Variants in MAMDC2 observed in about 807,000 individuals in gnomAD.
MAMDC2 encodes MAM domain-containing protein 2.
Under a neutral mutation model 89.8 loss-of-function variants are expected in MAMDC2, and 57 were observed. The ratio of observed to expected loss-of-function variants is 0.63; its 90% CI spans 0.51 to 0.79. MAMDC2 has a LOEUF of 0.79. Ranked by LOEUF, MAMDC2 falls within the 30% of genes least tolerant of loss-of-function variation. The pLI, the probability that MAMDC2 is intolerant of heterozygous loss-of-function variation, is 0.00. For synonymous variants in MAMDC2, 313 were observed against 293.4 expected (o/e 1.07, Z -0.68); for missense variants, 800 against 820.6 (o/e 0.97, Z 0.31).
intron 2 of MAMDC2, among the ~76,000 whole-genome samples, chr9:70,056,219 T>G (rs1290722715): frequency 6.6e-6 from 1 of 152,250 alleles, no homozygotes; most frequent in Non-Finnish European, 1.5e-5. Flanking sequence ...GTTTTCTAAG[T>G]GTCTACAGAT....
At chr9:70,200,375 T>C (rs891728115) in intron 11 of MAMDC2, among the ~76,000 whole-genome samples, 4 of 146,924 alleles carry the variant, frequency 2.7e-5, no homozygotes, top group African/African-American at 1.0e-4. Context: ...TATGCGGCGT[T>C]ATTTCTGAGG....
At chr9:70,119,621 A>T (rs1188837078) in intron 5 of MAMDC2, among the ~76,000 whole-genome samples, 1 of 152,166 alleles carries the variant, frequency 6.6e-6, no homozygotes, top group Non-Finnish European at 1.5e-5. Context: ...ATTTTCAAGG[A>T]TTAGATGCAG....
chr9:70,107,374 G>A (rs185956890), intron 2 of MAMDC2, among the ~76,000 whole-genome samples: 6 of 152,214 alleles, frequency 3.9e-5, no homozygotes, highest in African/African-American at 1.4e-4. Flanking sequence ...AAAGGAGGAG[G>A]AGAAGGACGG....
chr9:70,126,488 T>C, intron 6 of MAMDC2, 73 bp downstream of exon 6: 1 of 1,485,638 alleles, frequency 6.7e-7, no homozygotes, highest in South Asian at 1.3e-5. Context: ...GGGCTGGAGA[T>C]GGAGAGGCTG....
chr9:70,163,960 A>G (rs1378126831), intron 9 of MAMDC2, among the ~76,000 whole-genome samples: 3 of 151,700 alleles, frequency 2.0e-5, no homozygotes, highest in African/African-American at 7.3e-5. Flanking sequence ...CTCAAAAAAA[A>G]AAAAAAAAAA....
At chr9:70,221,380 T>TATATATATATATATATAGAGAGAGAGAG in intron 12 of MAMDC2, among the ~76,000 whole-genome samples, 1 of 7,040 alleles carries the variant, frequency 1.4e-4, no homozygotes, top group Non-Finnish European at 2.6e-4. Flanking sequence ...TATATATATA[T>TATATATATATATATATAGAGAGAGAGAG]AGAGAGAGAG....
At chr9:70,142,200 T>A (rs936281674) in intron 8 of MAMDC2, among the ~76,000 whole-genome samples, 1 of 152,092 alleles carries the variant, frequency 6.6e-6, no homozygotes, top group Non-Finnish European at 1.5e-5. Flanking sequence ...AAGCTGCCAT[T>A]AGCTGGGAGA....
intron 11 of MAMDC2, among the ~76,000 whole-genome samples, chr9:70,203,084 T>C (rs1481222090): frequency 2.6e-5 from 4 of 152,074 alleles, no homozygotes; most frequent in Non-Finnish European, 4.4e-5. Context: ...ATGTGTGAAT[T>C]TGATCCTGTC....
chr9:70,101,654 A>G (rs1305760533), intron 2 of MAMDC2, among the ~76,000 whole-genome samples: 2 of 152,242 alleles, frequency 1.3e-5, no homozygotes, highest in Non-Finnish European at 2.9e-5. Flanking sequence ...GTAGCCTAGG[A>G]GTAATAGGCT....
chr9:70,115,608 G>A lies in MAMDC2; in HGVS notation c.643+2476G>A, dbSNP rs562870599. Among the ~76,000 whole-genome samples the A allele has an allele frequency of 8.5e-5, 13 of 152,230 alleles. No individual in the cohort carries two copies. In the South Asian group the frequency reaches 2.7e-3, roughly 32 times the overall value. On this transcript the variant is annotated intron_variant, in intron 5 of 13. Coordinates refer to ENST00000377182, the MANE Select transcript of MAMDC2 (RefSeq NM_153267.5). Reference sequence around the variant, plus strand: ...TGACCTTAGGTGATCCGCCTGCCTCGGCCTCCCAAAGTGCTGTTTAGCACT... The same window carrying A: ...TGACCTTAGGTGATCCGCCTGCCTCAGCCTCCCAAAGTGCTGTTTAGCACT...
At chr9:70,187,358 T>C (rs551704381) in intron 11 of MAMDC2, among the ~76,000 whole-genome samples, 45 of 152,282 alleles carry the variant, frequency 3.0e-4, no homozygotes, top group African/African-American at 1.0e-3. Flanking sequence ...TTAGCGATGT[T>C]CAGTATGTTA....
chr9:70,156,088 G>C (rs2031755669), intron 9 of MAMDC2, among the ~76,000 whole-genome samples: 1 of 151,962 alleles, frequency 6.6e-6, no homozygotes, highest in Non-Finnish European at 1.5e-5. Context: ...TATATTTTTG[G>C]CATCTTAATA....
At chr9:70,182,677 T>C (rs2032669728) in intron 11 of MAMDC2, among the ~76,000 whole-genome samples, 1 of 152,220 alleles carries the variant, frequency 6.6e-6, no homozygotes, top group South Asian at 2.1e-4. Flanking sequence ...TGGTAGTTTG[T>C]ATTTCTGTAG....
rs2031259511 is a variant in MAMDC2 at position 70,142,538 on chromosome 9, A to G, written c.1139-1016A>G. Among the ~76,000 whole-genome samples, 3 of 152,224 alleles carry G rather than the reference A, an allele frequency of 2.0e-5. No homozygotes were observed. The South Asian group carries it at 6.2e-4, about 32-fold the overall frequency. ...AGTCTGCTCAGGCAGCCATAAGAAA[A>G]TACCACAGACTGGGTGGCTTAAACA... is the stretch of plus-strand genomic sequence containing the variant. On this transcript the variant is annotated intron_variant, in intron 8 of 13. Transcript: ENST00000377182.
intron 12 of MAMDC2, among the ~76,000 whole-genome samples, chr9:70,222,789 T>TATTA: frequency 6.6e-6 from 1 of 152,168 alleles, no homozygotes; most frequent in South Asian, 2.1e-4. Flanking sequence ...TCAGTCATAT[T>TATTA]ATTAATTATA....
At chr9:70,101,145 AG>A (rs1372709374) in intron 2 of MAMDC2, among the ~76,000 whole-genome samples, 1 of 152,202 alleles carries the variant, frequency 6.6e-6, no homozygotes, top group Non-Finnish European at 1.5e-5. Context: ...TTTAACAAAA[AG>A]TTTGAAAAGT....
chr9:70,189,420 T>C (rs1366719459), intron 11 of MAMDC2, among the ~76,000 whole-genome samples: 1 of 152,184 alleles, frequency 6.6e-6, no homozygotes, highest in African/African-American at 2.4e-5. Flanking sequence ...GGTTCTCTTG[T>C]ATATAATGAG....
At chr9:70,156,636 C>T (rs567591403) in intron 9 of MAMDC2, among the ~76,000 whole-genome samples, 1 of 152,254 alleles carries the variant, frequency 6.6e-6, no homozygotes, top group East Asian at 1.9e-4. Flanking sequence ...ATTAAGGTGG[C>T]TTTGTACACA....
chr9:70,185,242 CT>C, intron 11 of MAMDC2, among the ~76,000 whole-genome samples: 3 of 152,350 alleles, frequency 2.0e-5, no homozygotes, highest in Middle Eastern at 6.8e-3. Flanking sequence ...CTGCTTGCTC[CT>C]TTCTCTGGAA....
Sources: gnomAD v4.1 joint callset for allele counts (sites outside exome capture counted in the v4.1 genomes callset) on GRCh38, gnomAD v4.1.1 for gene constraint, MANE v1.5 for transcripts, NCBI Gene and HGNC (gene_info 2026-07-23, HGNC 2026-07-21) for gene names.